PTPRD: variants seen among roughly 807,000 people sequenced by gnomAD.
PTPRD encodes protein tyrosine phosphatase receptor type D.
Under a neutral mutation model 214.5 loss-of-function variants are expected in PTPRD, and 34 were observed. That is an observed-to-expected ratio of 0.16 (90% CI 0.12 to 0.21). PTPRD has a LOEUF of 0.21. Among genes scored for constraint, PTPRD ranks in the 10% least tolerant of loss-of-function variants. PTPRD has a pLI of 1.00. For synonymous variants in PTPRD, 1,128 were observed against 845.7 expected, an observed-to-expected ratio of 1.33 and a Z score of -5.79; for missense variants, 2,545 against 2,398.7, an observed-to-expected ratio of 1.06 and a Z score of -1.27.
At chr9:9,104,401 T>G (rs749770753) in intron 10 of PTPRD, among the ~76,000 whole-genome samples, 2 of 152,220 alleles carry the variant, frequency 1.3e-5, no homozygotes, top group African/African-American at 2.4e-5. Flanking sequence ...GAAGATGGCT[T>G]TAGCCAACAG....
intron 11 of PTPRD, among the ~76,000 whole-genome samples, chr9:8,858,533 TTC>T (rs765901243): frequency 2.6e-5 from 4 of 152,094 alleles, no homozygotes; most frequent in Non-Finnish European, 2.9e-5. Context: ...TTGGAAAGGC[TTC>T]TCTCTTTGTT....
intron 14 of PTPRD, among the ~76,000 whole-genome samples, chr9:8,543,919 C>G (rs1057348070): frequency 1.3e-5 from 2 of 152,062 alleles, no homozygotes; most frequent in Admixed American, 6.6e-5. Flanking sequence ...ACCATATTGG[C>G]CAGGCTGGTC....
chr9:9,516,561 T>A (rs2096843624), intron 8 of PTPRD, among the ~76,000 whole-genome samples: 1 of 151,522 alleles, frequency 6.6e-6, no homozygotes, highest in African/African-American at 2.4e-5. Context: ...TTATTTGAGA[T>A]GGATTCTTGC....
intron 5 of PTPRD, among the ~76,000 whole-genome samples, chr9:9,919,369 A>G (rs2081896343): frequency 6.6e-6 from 1 of 152,098 alleles, no homozygotes; most frequent in Admixed American, 6.6e-5. Context: ...GCAGGAATCA[A>G]AGTCCCCCCA....
chr9:9,958,189 C>T (rs911465126), intron 4 of PTPRD, among the ~76,000 whole-genome samples: 6 of 152,048 alleles, frequency 3.9e-5, no homozygotes, highest in African/African-American at 1.4e-4. Flanking sequence ...GATACAGTAC[C>T]AAAAACAATC....
chr9:8,800,517 T>C (rs1046148887), intron 11 of PTPRD, among the ~76,000 whole-genome samples: 15 of 152,120 alleles, frequency 9.9e-5, no homozygotes, highest in Non-Finnish European at 2.1e-4. Flanking sequence ...GAGTGACTTC[T>C]GGTCATTCTC....
chr9:8,776,352 G>A (rs148066175), intron 11 of PTPRD, among the ~76,000 whole-genome samples: 1 of 152,120 alleles, frequency 6.6e-6, no homozygotes, highest in Admixed American at 6.5e-5. Context: ...GCCCAGGCTG[G>A]AGTGCAATGG....
chr9:9,512,506 T>C (rs938010874), intron 8 of PTPRD, among the ~76,000 whole-genome samples: 3 of 151,874 alleles, frequency 2.0e-5, no homozygotes, highest in African/African-American at 7.2e-5. Context: ...TTACAGAGAA[T>C]ATGTAAGGCA....
chr9:9,221,256 G>C (rs149231798), intron 9 of PTPRD, among the ~76,000 whole-genome samples: 374 of 152,220 alleles, frequency 2.5e-3, no homozygotes, highest in African/African-American at 8.6e-3. Context: ...GCCAATCAAT[G>C]ATGATGCATG....
At chr9:8,418,971 C>A (rs2094154969) in intron 35 of PTPRD, among the ~76,000 whole-genome samples, 1 of 151,950 alleles carries the variant, frequency 6.6e-6, no homozygotes, top group African/African-American at 2.4e-5. Context: ...GTAAAAATGG[C>A]TCCTTCATTC....
At chr9:8,530,487 C>G (rs2075402468) in intron 14 of PTPRD, among the ~76,000 whole-genome samples, 1 of 152,024 alleles carries the variant, frequency 6.6e-6, no homozygotes, top group Non-Finnish European at 1.5e-5. Flanking sequence ...TCAGAGCTAC[C>G]ATAGCAGCGG....
rs141885273 is a variant in PTPRD at position 9,161,269 on chromosome 9, T to A, written c.-143+22035A>T. Among the ~76,000 whole-genome samples, 100 of 152,282 alleles carry A rather than the reference T, an allele frequency of 6.6e-4. 2 individuals are homozygous for A. The East Asian group carries it at 0.018, about 27-fold the overall frequency. The stretch of plus-strand genomic sequence containing the variant: ...TGATTTGATTATCTCACATTGTATA[T>A]GTATATCAAAACATCATATAGTGAC... On this transcript the variant is annotated intron_variant, in intron 10 of 45. Transcript: ENST00000381196.
chr9:9,145,231 TAA>T (rs2099866658), intron 10 of PTPRD, among the ~76,000 whole-genome samples: 1 of 152,210 alleles, frequency 6.6e-6, no homozygotes. Context: ...CTAAACCAGA[TAA>T]TTTATGTGTA....
intron 4 of PTPRD, among the ~76,000 whole-genome samples, chr9:10,006,679 C>T (rs1385906551): frequency 1.3e-5 from 2 of 151,846 alleles, no homozygotes; most frequent in Non-Finnish European, 2.9e-5. Context: ...TAATCAGAGC[C>T]AATATTTTTA....
At chr9:9,122,682 G>C (rs2099818723) in intron 10 of PTPRD, among the ~76,000 whole-genome samples, 1 of 152,144 alleles carries the variant, frequency 6.6e-6, no homozygotes, top group African/African-American at 2.4e-5. Context: ...CAGAAGTCCA[G>C]ATAACCTTGG....
chr9:9,064,653 A>G (rs2099721839), intron 10 of PTPRD, among the ~76,000 whole-genome samples: 1 of 152,200 alleles, frequency 6.6e-6, no homozygotes, highest in Admixed American at 6.5e-5. Context: ...AAGATGACTG[A>G]GACTCCGAAC....
chr9:8,449,696 G>A (rs2133451359), intron 34 of PTPRD, 29 bp downstream of exon 34: 1 of 1,589,160 alleles, frequency 6.3e-7, no homozygotes, highest in Non-Finnish European at 8.6e-7. Context: ...GAAAGACTGT[G>A]TGTGGATTAG....
At chr9:9,241,984 G>A (rs560912636) in intron 9 of PTPRD, among the ~76,000 whole-genome samples, 164 of 152,118 alleles carry the variant, frequency 1.1e-3, no homozygotes, top group African/African-American at 3.9e-3. Context: ...GGCTGGTACC[G>A]GTTGTTCATT....
In PTPRD at chr9:8,315,552, T is replaced by C. The variant is rs1318850773; in HGVS notation, c.*2322A>G. The C allele has an allele frequency of 8.7e-6, 2 of 231,012 alleles. No homozygotes were observed. Among genetic ancestry groups the C allele is most frequent in the Admixed American group, 5.7e-5 (1 of 17,672 alleles). 14.3% of individuals were successfully genotyped at this position (231,012 alleles called of 1,614,324 possible). On this transcript the variant is annotated 3_prime_UTR_variant, in exon 46 of 46. Coordinates refer to ENST00000381196, the MANE Select transcript of PTPRD (RefSeq NM_002839.4). ...AGAAAATAATGATAACAGACCCACA[T>C]AGTGCACATTCTTCTCTGGTTCTGA...
Sources: gnomAD v4.1 joint callset for allele counts (sites outside exome capture counted in the v4.1 genomes callset) on GRCh38, gnomAD v4.1.1 for gene constraint, MANE v1.5 for transcripts, NCBI Gene and HGNC (gene_info 2026-07-23, HGNC 2026-07-21) for gene names.